RBL2: variants seen among roughly 807,000 people sequenced by gnomAD.
RBL2 encodes the protein retinoblastoma-like protein 2.
A neutral mutation model predicts 126.0 loss-of-function variants in RBL2; 56 were observed. The observed-to-expected ratio is 0.44, with a 90% CI of 0.36 to 0.56. The LOEUF is 0.56. Ranked by LOEUF, RBL2 falls within the 20% of genes least tolerant of loss-of-function variation. RBL2 has a pLI of 0.00. For missense variants in RBL2, 1,229 were observed against 1,398.2 expected (o/e 0.88, Z 1.93); for synonymous variants, 454 against 478.5 (o/e 0.95, Z 0.67).
At chr16:53,476,775 G>A (rs56126229) in intron 17 of RBL2, among the ~76,000 whole-genome samples, 71,379 of 151,974 alleles carry the variant, frequency 0.47, 17,384 homozygotes, top group Middle Eastern at 0.62. Context: ...CTGATTTATA[G>A]TGTGAGATAT....
chr16:53,444,426 G>T (rs982001491), intron 3 of RBL2, among the ~76,000 whole-genome samples: 26 of 152,110 alleles, frequency 1.7e-4, no homozygotes, highest in African/African-American at 5.1e-4. Context: ...GGTGGTGGGT[G>T]CCTGTAATCC....
chr16:53,460,808 AT>A (rs1431614037), intron 9 of RBL2, among the ~76,000 whole-genome samples: 1 of 152,138 alleles, frequency 6.6e-6, no homozygotes, highest in Non-Finnish European at 1.5e-5. Context: ...AACTTGCTTC[AT>A]TTTCACAAAG....
intron 5 of RBL2, 113 bp from the exon 6 acceptor site, chr16:53,453,339 A>G: frequency 1.0e-6 from 1 of 956,654 alleles, no homozygotes; most frequent in Non-Finnish European, 1.5e-6. Flanking sequence ...TGTTTCCTAT[A>G]CATTTGTATG....
Position 53,479,907 on chromosome 16 carries a change from A to G in RBL2, c.2797A>G (p.Lys933Glu). Residue 933 changes from lysine to glutamate, a missense_variant, in exon 19 of 22, where the codon AAA becomes GAA. By Grantham distance (56) the Lys-to-Glu change is moderately conservative. Coordinates refer to ENST00000262133, the MANE Select transcript of RBL2 (RefSeq NM_005611.4). ...RSQVYRSVLI[K>E]GKRKRRNSGS... is the part of the protein sequence containing the mutation. ...AAAGGTGTATAGAAGTGTTTTGATA[A>G]AAGGGAAAAGAAAAAGAAGAAATTC... 1.2e-6 allele frequency: 2 copies of G among 1,608,054 alleles called. No homozygotes were observed. Among genetic ancestry groups the G allele is most frequent in the East Asian group, 4.5e-5 (2 of 44,824 alleles).
At chr16:53,489,575 T>G (rs1241848979) in intron 21 of RBL2, 1 of 152,136 alleles carries the variant, frequency 6.6e-6, no homozygotes, top group Non-Finnish European at 1.5e-5. Flanking sequence ...CAGAAAATAA[T>G]TTGAGTAACT....
intron 2 of RBL2, among the ~76,000 whole-genome samples, chr16:53,440,950 G>GTTTTTTTTTTTTTTTTTTTTTTTTTTT (rs1598087169): frequency 1.1e-5 from 1 of 94,002 alleles, no homozygotes. Context: ...TTATTTTTCA[G>GTTTTTTTTTTTTTTTTTTTTTTTTTTT]TTCTTTTTTT....
chr16:53,452,634 C>CT (rs2058126040), intron 5 of RBL2, among the ~76,000 whole-genome samples: 1 of 151,856 alleles, frequency 6.6e-6, no homozygotes, highest in Non-Finnish European at 1.5e-5. Flanking sequence ...AAGCTGCTTC[C>CT]TTTCACTTTT....
intron 11 of RBL2, among the ~76,000 whole-genome samples, chr16:53,463,633 A>G (rs1431081497): frequency 6.8e-6 from 1 of 146,018 alleles, no homozygotes; most frequent in African/African-American, 2.6e-5. Flanking sequence ...CAGTGGTGCA[A>G]CGTCGGCTTA....
chr16:53,441,577 A>G (rs1329721089), intron 2 of RBL2, among the ~76,000 whole-genome samples: 3 of 152,340 alleles, frequency 2.0e-5, no homozygotes, highest in African/African-American at 7.2e-5. Flanking sequence ...TTAATGTCAG[A>G]AACATTATTG....
At chr16:53,464,547 T>A in intron 12 of RBL2, 184 bp downstream of exon 12, 1 of 481,960 alleles carries the variant, frequency 2.1e-6, no homozygotes, top group Non-Finnish European at 3.4e-6. Flanking sequence ...TTTAATATTG[T>A]ATGAAAGATC....
intron 17 of RBL2, among the ~76,000 whole-genome samples, chr16:53,477,208 C>G (rs533910625): frequency 6.6e-6 from 1 of 152,318 alleles, no homozygotes; most frequent in Non-Finnish European, 1.5e-5. Context: ...CATAAATGTA[C>G]AACTCCACCA....
Position 53,434,481 on chromosome 16 carries a change from C to A in RBL2, c.-76C>A, listed in dbSNP as rs1460067364. ...AGGCGCGGTGCGGGCGGCGGACGGG[C>A]GGGCGCTTCGCCGTTTGAATGGCTG... On this transcript the variant is annotated 5_prime_UTR_variant, in exon 1 of 22. Transcript: ENST00000262133. 12 of 1,300,486 alleles carry A rather than the reference C, an allele frequency of 9.2e-6. No individual in the cohort carries two copies. The highest frequency in any genetic ancestry group is 1.2e-5 in the Non-Finnish European group (12 of 1,021,556). 80.6% of individuals were successfully genotyped at this position (1,300,486 alleles called of 1,614,324 possible).
rs1396325692 is a variant in RBL2, at chr16:53,451,829, AAGGT to A, written c.766+3_766+6del. The A allele has an allele frequency of 2.5e-6, 4 of 1,613,372 alleles. No individual in the cohort carries two copies. The East Asian group carries it at 8.9e-5, about 36-fold the overall frequency. On this transcript the variant is annotated splice_donor_variant and coding_sequence_variant, in exon 5 of 22. Transcript: ENST00000262133. LOFTEE classifies it high-confidence loss of function. ...AAAGAACTTGTGAACCCTAATTTTA[AAGGT>A]AGGTTTGTAAATCAAAGATTTTTGG...
chr16:53,459,731 A>G (rs2058202025), intron 9 of RBL2, 114 bp downstream of exon 9: 5 of 1,045,860 alleles, frequency 4.8e-6, no homozygotes, highest in African/African-American at 1.6e-5. Context: ...TATCAATTGT[A>G]TACTCAGTCC....
intron 17 of RBL2, among the ~76,000 whole-genome samples, chr16:53,472,622 A>G: frequency 6.6e-6 from 1 of 152,186 alleles, no homozygotes; most frequent in African/African-American, 2.4e-5. Context: ...GGAATTCTTT[A>G]TTTTGGATAC....
chr16:53,454,285 A>G (rs565950395), intron 7 of RBL2: 43 of 438,136 alleles, frequency 9.8e-5, no homozygotes, highest in African/African-American at 7.5e-4. Context: ...GCTCACTGCA[A>G]CCTCTGCCTC....
At chr16:53,478,212 G>T (rs946731245) in intron 17 of RBL2, among the ~76,000 whole-genome samples, 5 of 151,928 alleles carry the variant, frequency 3.3e-5, no homozygotes, top group Non-Finnish European at 5.9e-5. Flanking sequence ...ATTTTATTGG[G>T]GTTTCCCTGT....
intron 17 of RBL2, among the ~76,000 whole-genome samples, chr16:53,476,114 G>A (rs1314779798): frequency 3.3e-5 from 5 of 151,930 alleles, no homozygotes; most frequent in Non-Finnish European, 5.9e-5. Context: ...GTGAGCCACC[G>A]CCCTTGGCCC....
chr16:53,465,971 G>A (rs542925672), intron 13 of RBL2: 1 of 155,714 alleles, frequency 6.4e-6, no homozygotes, highest in South Asian at 2.0e-4. Flanking sequence ...TAATTTTCTG[G>A]CTCTTTGCCT....
Sources: gnomAD v4.1 joint callset for allele counts (sites outside exome capture counted in the v4.1 genomes callset) on GRCh38, gnomAD v4.1.1 for gene constraint, MANE v1.5 for transcripts, NCBI Gene and HGNC (gene_info 2026-07-23, HGNC 2026-07-21) for gene names.